DSCAML1: variants seen among roughly 807,000 people sequenced by gnomAD.
DSCAML1 encodes cell adhesion molecule DSCAML1.
Under a neutral mutation model 200.5 loss-of-function variants are expected in DSCAML1, and 38 were observed. That is an observed-to-expected ratio of 0.19 (90% CI 0.15 to 0.25). DSCAML1 has a LOEUF of 0.25. Ranked by LOEUF, DSCAML1 falls within the 10% of genes least tolerant of loss-of-function variation. The pLI, the probability that DSCAML1 is intolerant of heterozygous loss-of-function variation, is 1.00. For missense variants in DSCAML1, 2,223 were observed against 2,858.8 expected (o/e 0.78, Z 5.07); for synonymous variants, 1,215 against 1,165.0 (o/e 1.04, Z -0.87).
At chr11:117,688,160 G>A (rs190281445) in intron 3 of DSCAML1, among the ~76,000 whole-genome samples, 2 of 152,344 alleles carry the variant, frequency 1.3e-5, no homozygotes, top group East Asian at 3.9e-4. Context: ...GAAAAAGAAT[G>A]GTGTCTGGGA....
chr11:117,783,978 A>C (rs1358802559), intron 1 of DSCAML1, among the ~76,000 whole-genome samples: 1 of 152,044 alleles, frequency 6.6e-6, no homozygotes, highest in Admixed American at 6.6e-5. Context: ...GCCTTCCTGC[A>C]CTCCTGGGCC....
chr11:117,456,347 T>C (rs374905410), intron 19 of DSCAML1, among the ~76,000 whole-genome samples: 5 of 152,234 alleles, frequency 3.3e-5, no homozygotes, highest in African/African-American at 1.2e-4. Flanking sequence ...AATGTGCTTA[T>C]TGCTGAAATG....
At chr11:117,718,678 C>CCT (rs2053996952) in intron 3 of DSCAML1, among the ~76,000 whole-genome samples, 2 of 96,874 alleles carry the variant, frequency 2.1e-5, no homozygotes, top group Non-Finnish European at 4.9e-5. Flanking sequence ...ACCCCCCCCC[C>CCT]CCCCCATCAT....
upstream of DSCAML1, among the ~76,000 whole-genome samples, chr11:117,798,446 A>G (rs892762376): frequency 1.9e-4 from 19 of 98,972 alleles, no homozygotes; most frequent in African/African-American, 7.1e-4. Context: ...GTGTTTTTTA[A>G]TATGTTAAAA....
intron 3 of DSCAML1, among the ~76,000 whole-genome samples, chr11:117,561,001 G>A (rs922392971): frequency 2.6e-5 from 4 of 152,312 alleles, no homozygotes; most frequent in South Asian, 2.1e-4. Context: ...GATGGAGGGC[G>A]GGTGCTGGGG....
At chr11:117,769,181 TATAC>T (rs1432619862) in intron 3 of DSCAML1, among the ~76,000 whole-genome samples, 4 of 24,950 alleles carry the variant, frequency 1.6e-4, no homozygotes, top group East Asian at 3.8e-3. Context: ...TTATATATAT[TATAC>T]ATATATATTT....
chr11:117,709,036 T>A (rs1036614658), intron 3 of DSCAML1, among the ~76,000 whole-genome samples: 5 of 152,334 alleles, frequency 3.3e-5, no homozygotes, highest in African/African-American at 1.2e-4. Context: ...ATCTGTGAAG[T>A]GGGGATATCG....
chr11:117,775,967 C>T (rs11824502), intron 3 of DSCAML1, among the ~76,000 whole-genome samples: 1 of 152,090 alleles, frequency 6.6e-6, no homozygotes, highest in African/African-American at 2.4e-5. Flanking sequence ...GCATGGGAAA[C>T]AAAGGTCCTG....
rs188167633 is a variant in DSCAML1 at position 117,589,827 on chromosome 11, G to A, written c.512-57305C>T. On this transcript the variant is annotated intron_variant, in intron 3 of 32. Coordinates refer to ENST00000651296, the MANE Select transcript of DSCAML1 (RefSeq NM_020693.4). ...TTTGAGTTTGACATCAATGAGGTGCGGTAGGCAAGGTGGACAGGCATAGAT... is the reference window on the plus strand; with the variant it reads ...TTTGAGTTTGACATCAATGAGGTGCAGTAGGCAAGGTGGACAGGCATAGAT... Among the ~76,000 whole-genome samples the A allele has an allele frequency of 2.3e-3, 354 of 152,268 alleles. 1 individual carries two copies. Among genetic ancestry groups the A allele is most frequent in the Non-Finnish European group, 4.6e-3 (314 of 68,030 alleles).
chr11:117,434,840 CAACCATCCATTG>C (rs1450013618), intron 27 of DSCAML1, among the ~76,000 whole-genome samples: 1 of 152,244 alleles, frequency 6.6e-6, no homozygotes, highest in Non-Finnish European at 1.5e-5. Flanking sequence ...ATCCAATCAT[CAACCATCCATTG>C]AACCATCTAT....
chr11:117,442,210 T>C (rs1315560852), intron 21 of DSCAML1, among the ~76,000 whole-genome samples: 2 of 146,200 alleles, frequency 1.4e-5, no homozygotes, highest in Non-Finnish European at 3.0e-5. Context: ...TGTGTGCATG[T>C]ATTAGTGTGT....
intron 23 of DSCAML1, 136 bp from the exon 24 acceptor site, chr11:117,439,119 C>T (rs546063418): frequency 7.4e-7 from 1 of 1,352,356 alleles, no homozygotes; most frequent in South Asian, 1.4e-5. Context: ...CTCCTGCCTC[C>T]CCTTCCATGT....
chr11:117,461,341 C>A (rs891560312), intron 18 of DSCAML1, 109 bp downstream of exon 18: 2 of 1,510,924 alleles, frequency 1.3e-6, no homozygotes, highest in African/African-American at 2.7e-5. Flanking sequence ...GGCTGCACTT[C>A]CTCTTGCCAA....
chr11:117,809,776 G>C (rs1591526593), intron 1 of DSCAML1, among the ~76,000 whole-genome samples: 1 of 152,034 alleles, frequency 6.6e-6, no homozygotes, highest in Admixed American at 6.6e-5. Flanking sequence ...AACCCTCCTG[G>C]GTTGCTCTGC....
chr11:117,443,723 G>C lies in DSCAML1; in HGVS notation c.3862+163C>G, dbSNP rs375076976. 7.2e-5 allele frequency among the ~76,000 whole-genome samples: 11 copies of C among 152,366 alleles called. No homozygotes were observed. The East Asian group carries it at 2.1e-3, about 29-fold the overall frequency. On this transcript the variant is annotated intron_variant, in intron 21 of 32. Transcript: ENST00000651296. Reference sequence around the variant, plus strand: ...TTTGCTGGAGTCAGGGGGCAGCAGAGGCCCAGTCTTGGTGTGTGCGGGAGG... The same window carrying C: ...TTTGCTGGAGTCAGGGGGCAGCAGACGCCCAGTCTTGGTGTGTGCGGGAGG...
intron 3 of DSCAML1, among the ~76,000 whole-genome samples, chr11:117,588,815 C>T (rs917549407): frequency 1.3e-5 from 2 of 152,146 alleles, no homozygotes; most frequent in African/African-American, 4.8e-5. Flanking sequence ...GGGATCCTGT[C>T]CCCCTCCTCT....
chr11:117,434,125 G>A (rs898552899), intron 27 of DSCAML1, among the ~76,000 whole-genome samples: 4 of 152,136 alleles, frequency 2.6e-5, no homozygotes, highest in Non-Finnish European at 5.9e-5. Context: ...ATCCCAAATA[G>A]CTGTATGCAT....
At chr11:117,499,541 G>A (rs557890664) in intron 11 of DSCAML1, among the ~76,000 whole-genome samples, 6 of 152,350 alleles carry the variant, frequency 3.9e-5, no homozygotes, top group African/African-American at 9.6e-5. Flanking sequence ...CCATCAGTCC[G>A]TAGAAGCAGG....
intron 1 of DSCAML1, among the ~76,000 whole-genome samples, chr11:117,795,042 T>G (rs2055544934): frequency 1.3e-5 from 2 of 152,206 alleles, no homozygotes; most frequent in African/African-American, 4.8e-5. Context: ...TGTTGCCTTC[T>G]GGGCCTTTCT....
Sources: gnomAD v4.1 joint callset for allele counts (sites outside exome capture counted in the v4.1 genomes callset) on GRCh38, gnomAD v4.1.1 for gene constraint, MANE v1.5 for transcripts, NCBI Gene and HGNC (gene_info 2026-07-23, HGNC 2026-07-21) for gene names.